Variants in RARB observed in about 807,000 individuals in gnomAD.
RARB encodes retinoic acid receptor beta.
In RARB, 17 loss-of-function variants were observed where a neutral mutation model predicts 51.9. The ratio of observed to expected loss-of-function variants is 0.33; its 90% CI spans 0.22 to 0.49. RARB has a LOEUF of 0.49. RARB is among the 20% of genes least tolerant of loss of function. The pLI is 0.99. For synonymous variants in RARB, 215 were observed against 195.4 expected (o/e 1.10, Z -0.84); for missense variants, 369 against 550.8 (o/e 0.67, Z 3.30).
At chr3:24,884,287 G>T (rs1468419768) in intron 2 of RARB, among the ~76,000 whole-genome samples, 3 of 152,166 alleles carry the variant, frequency 2.0e-5, no homozygotes, top group African/African-American at 4.8e-5. Flanking sequence ...AGTAAAGGAG[G>T]TTGGAAGGGC....
chr3:25,115,352 C>G (rs1195862951), intron 3 of RARB, among the ~76,000 whole-genome samples: 1 of 152,168 alleles, frequency 6.6e-6, no homozygotes, highest in African/African-American at 2.4e-5. Flanking sequence ...TTGTGCTTTA[C>G]TGTTAATGAC....
chr3:24,839,891 G>C (rs926562852), intron 1 of RARB, among the ~76,000 whole-genome samples: 3 of 152,122 alleles, frequency 2.0e-5, no homozygotes, highest in Non-Finnish European at 4.4e-5. Flanking sequence ...CTCGAAAAAT[G>C]TATCCTACAA....
At chr3:25,232,979 T>TC (rs1702216722) in intron 5 of RARB, among the ~76,000 whole-genome samples, 1 of 146,306 alleles carries the variant, frequency 6.8e-6, no homozygotes, top group Non-Finnish European at 1.5e-5. Flanking sequence ...TTTTCTTTTT[T>TC]TTTTTTTTTT....
chr3:24,950,236 C>T (rs1212820617), intron 2 of RARB, among the ~76,000 whole-genome samples: 1 of 152,164 alleles, frequency 6.6e-6, no homozygotes, highest in Non-Finnish European at 1.5e-5. Context: ...CTACATATGT[C>T]TCGAAACAGT....
intron 5 of RARB, among the ~76,000 whole-genome samples, chr3:25,326,235 C>T (rs1704713070): frequency 1.3e-5 from 2 of 152,186 alleles, no homozygotes; most frequent in South Asian, 2.1e-4. Flanking sequence ...CCAACTGGAC[C>T]TGCTAAAGTC....
chr3:25,312,766 C>T (rs1704320651), intron 5 of RARB, among the ~76,000 whole-genome samples: 1 of 152,176 alleles, frequency 6.6e-6, no homozygotes, highest in African/African-American at 2.4e-5. Flanking sequence ...GCATAGATGG[C>T]CCCACTGGGG....
At chr3:25,401,487 G>A (rs1176308484) in intron 5 of RARB, among the ~76,000 whole-genome samples, 5 of 152,136 alleles carry the variant, frequency 3.3e-5, no homozygotes, top group Non-Finnish European at 5.9e-5. Context: ...AGGTGATCCA[G>A]ATATTATAAT....
intron 5 of RARB, among the ~76,000 whole-genome samples, chr3:25,401,053 G>C (rs1707250056): frequency 1.3e-5 from 2 of 152,112 alleles, no homozygotes; most frequent in South Asian, 4.1e-4. Context: ...AAGAGGTTAA[G>C]AAGCCAAGCA....
chr3:25,100,610 A>G (rs974768637), intron 3 of RARB, among the ~76,000 whole-genome samples: 10 of 152,192 alleles, frequency 6.6e-5, no homozygotes, highest in Non-Finnish European at 8.8e-5. Flanking sequence ...CTGAAGGGGT[A>G]GTATTAAACA....
intron 2 of RARB, among the ~76,000 whole-genome samples, chr3:25,471,614 T>G: frequency 6.6e-6 from 1 of 151,576 alleles, no homozygotes; most frequent in African/African-American, 2.4e-5. Context: ...TTTTTTTCCT[T>G]GAGTTGGCGT....
At chr3:25,026,932 G>A (rs908442376) in intron 2 of RARB, among the ~76,000 whole-genome samples, 1 of 152,126 alleles carries the variant, frequency 6.6e-6, no homozygotes, top group African/African-American at 2.4e-5. Context: ...AGGAAGCGAT[G>A]AGTTTTAGTT....
intron 5 of RARB, among the ~76,000 whole-genome samples, chr3:25,334,094 T>C (rs1704987377): frequency 6.6e-6 from 1 of 152,188 alleles, no homozygotes; most frequent in Admixed American, 6.5e-5. Flanking sequence ...TGTAAACTAG[T>C]TCAACCATTG....
intron 2 of RARB, among the ~76,000 whole-genome samples, chr3:24,874,706 T>C (rs527595898): frequency 1.3e-5 from 2 of 152,132 alleles, no homozygotes; most frequent in Non-Finnish European, 2.9e-5. Flanking sequence ...TTTTTCTGAG[T>C]AAATGTCATG....
chr3:25,394,586 T>C (rs1163196974), intron 5 of RARB, among the ~76,000 whole-genome samples: 3 of 152,146 alleles, frequency 2.0e-5, no homozygotes, highest in Non-Finnish European at 1.5e-5. Flanking sequence ...AGCTCCAGTG[T>C]TAGAGGCATA....
At chr3:25,141,390 T>C (rs1366414196) in intron 4 of RARB, among the ~76,000 whole-genome samples, 1 of 152,190 alleles carries the variant, frequency 6.6e-6, no homozygotes, top group African/African-American at 2.4e-5. Context: ...TCAGTGGTTT[T>C]TGAAGAAGCA....
chr3:25,439,110 AC>A (rs1316249753), intron 1 of RARB, among the ~76,000 whole-genome samples: 1 of 152,098 alleles, frequency 6.6e-6, no homozygotes, highest in African/African-American at 2.4e-5. Flanking sequence ...TTTACTGGTA[AC>A]CCTTATCTAA....
At chr3:24,840,504 T>A (rs1160790836) in intron 1 of RARB, among the ~76,000 whole-genome samples, 1 of 152,158 alleles carries the variant, frequency 6.6e-6, no homozygotes, top group Non-Finnish European at 1.5e-5. Context: ...AAGGACCTGA[T>A]GCAAGTATTG....
intron 5 of RARB, among the ~76,000 whole-genome samples, chr3:25,410,032 C>T (rs1005978916): frequency 9.2e-5 from 14 of 152,198 alleles, no homozygotes; most frequent in Admixed American, 2.6e-4. Flanking sequence ...ACTGCTTATA[C>T]CAGCCCAGTT....
At chr3:25,425,438 G>T (rs1422598246), upstream of RARB, among the ~76,000 whole-genome samples, 1 of 152,094 alleles carries the variant, frequency 6.6e-6, no homozygotes, top group Non-Finnish European at 1.5e-5. Context: ...TTAATACTTG[G>T]ATTAAGTAAT....
Sources: allele counts gnomAD v4.1 joint callset (sites outside exome capture counted in the v4.1 genomes callset), GRCh38; gene constraint gnomAD v4.1.1; transcripts MANE v1.5; gene names NCBI Gene and HGNC (gene_info 2026-07-23, HGNC 2026-07-21).